Variants in UNC13C observed in about 807,000 individuals in gnomAD.
The protein encoded by UNC13C is unc-13 homolog C.
In UNC13C, 174 loss-of-function variants were observed where a neutral mutation model predicts 245.4. That is an observed-to-expected ratio of 0.71 (90% CI 0.63 to 0.80). UNC13C has a LOEUF of 0.80. Ranked by LOEUF, UNC13C falls within the 30% of genes least tolerant of loss-of-function variation. The probability of loss-of-function intolerance (pLI) is 0.00; values close to 1 mark genes in which losing one functional copy is unlikely to be tolerated. For synonymous variants in UNC13C, 992 were observed against 895.1 expected, an observed-to-expected ratio of 1.11 and a Z score of -1.93; for missense variants, 2,829 against 2,602.9, an observed-to-expected ratio of 1.09 and a Z score of -1.89.
At chr15:54,318,040 C>T (rs1297778799) in intron 13 of UNC13C, among the ~76,000 whole-genome samples, 1 of 151,876 alleles carries the variant, frequency 6.6e-6, no homozygotes, top group African/African-American at 2.4e-5. Context: ...CAGGTTCATC[C>T]ATGTTGTTGC....
At chr15:54,213,831 A>G (rs1412241011) in intron 4 of UNC13C, among the ~76,000 whole-genome samples, 9 of 151,978 alleles carry the variant, frequency 5.9e-5, no homozygotes, top group Admixed American at 1.3e-4. Flanking sequence ...TGCCAACCTA[A>G]CAGGTAGTAT....
intron 19 of UNC13C, among the ~76,000 whole-genome samples, chr15:54,420,407 C>CA (rs1172809843): frequency 6.6e-6 from 1 of 151,810 alleles, no homozygotes; most frequent in Non-Finnish European, 1.5e-5. Context: ...AGAGAAAAGG[C>CA]AGAAGCTGCC....
Position 54,628,193 on chromosome 15 carries a change from A to C in UNC13C, c.*1080A>C, listed in dbSNP as rs1392758775. 6.6e-6 allele frequency: 1 copy of C among 152,028 alleles called. No individual in the cohort carries two copies. The highest frequency in any genetic ancestry group is 6.6e-5 in the Admixed American group (1 of 15,244). The allele number at this position is 152,028 out of a possible 1,614,324, so 9.4% of individuals were successfully genotyped here. The stretch of plus-strand genomic sequence containing the variant: ...ATGTAATACAGCTTGGTACCTAAAA[A>C]TATAGCTAAGTTGGTTTTTGAATAT... On this transcript the variant is annotated 3_prime_UTR_variant, in exon 33 of 33. Coordinates refer to ENST00000260323, the MANE Select transcript of UNC13C (RefSeq NM_001080534.3).
intron 19 of UNC13C, among the ~76,000 whole-genome samples, chr15:54,452,369 C>G (rs1268510294): frequency 6.6e-6 from 1 of 152,134 alleles, no homozygotes; most frequent in Non-Finnish European, 1.5e-5. Context: ...GCTCTGGTTC[C>G]CAAGCCATCT....
At chr15:54,330,929 T>C (rs957070115) in intron 14 of UNC13C, among the ~76,000 whole-genome samples, 1 of 152,084 alleles carries the variant, frequency 6.6e-6, no homozygotes, top group African/African-American at 2.4e-5. Context: ...AACACAGAGA[T>C]GATACTCAAA....
chr15:54,187,039 G>T (rs1290882747), intron 4 of UNC13C, among the ~76,000 whole-genome samples: 1 of 151,610 alleles, frequency 6.6e-6, no homozygotes, highest in African/African-American at 2.4e-5. Context: ...GTAGAGACAG[G>T]GTTTCACCAT....
chr15:54,164,815 A>G (rs1322929475), intron 4 of UNC13C, among the ~76,000 whole-genome samples: 1 of 152,228 alleles, frequency 6.6e-6, no homozygotes, highest in African/African-American at 2.4e-5. Context: ...TTAAAAAATC[A>G]CAGACAGCTC....
At chr15:53,879,215 G>A in the UNC13C span, among the ~76,000 whole-genome samples, 2 of 152,158 alleles carry the variant, frequency 1.3e-5, no homozygotes, top group African/African-American at 4.8e-5. Flanking sequence ...AGGCTGCAGT[G>A]CAATAGCACA....
At chr15:54,618,868 G>T (rs1024152770) in intron 30 of UNC13C, among the ~76,000 whole-genome samples, 2 of 152,048 alleles carry the variant, frequency 1.3e-5, no homozygotes, top group Admixed American at 6.6e-5. Context: ...ATAACTTACG[G>T]AAAAAGTTAA....
intron 27 of UNC13C, among the ~76,000 whole-genome samples, chr15:54,548,773 T>C (rs1375044136): frequency 6.6e-6 from 1 of 152,168 alleles, no homozygotes; most frequent in Non-Finnish European, 1.5e-5. Context: ...CACCTAAAAT[T>C]TCTCTAGCAT....
At chr15:54,530,266 A>G (rs569668049) in intron 25 of UNC13C, among the ~76,000 whole-genome samples, 6 of 152,312 alleles carry the variant, frequency 3.9e-5, no homozygotes, top group Admixed American at 1.3e-4. Flanking sequence ...TGACGTATCT[A>G]TCACCTTCAT....
chr15:53,838,819 C>T, the UNC13C span, among the ~76,000 whole-genome samples: 7 of 151,946 alleles, frequency 4.6e-5, no homozygotes, highest in African/African-American at 1.7e-4. Flanking sequence ...GCATAAATTA[C>T]CAGTAAGTCC....
intron 4 of UNC13C, among the ~76,000 whole-genome samples, chr15:54,216,628 C>G (rs1021167392): frequency 1.3e-5 from 2 of 151,758 alleles, no homozygotes; most frequent in Non-Finnish European, 1.5e-5. Flanking sequence ...AAATATGACA[C>G]AGAGAGAAAT....
At chr15:54,514,985 A>C (rs1036448689) in intron 24 of UNC13C, among the ~76,000 whole-genome samples, 3 of 152,102 alleles carry the variant, frequency 2.0e-5, no homozygotes, top group Non-Finnish European at 2.9e-5. Context: ...GCAAACCACT[A>C]ATTTTCTTCT....
At chr15:54,425,810 A>T (rs890632975) in intron 19 of UNC13C, among the ~76,000 whole-genome samples, 1 of 151,874 alleles carries the variant, frequency 6.6e-6, no homozygotes, top group Non-Finnish European at 1.5e-5. Flanking sequence ...GCAAATGCAA[A>T]TATATCATCT....
chr15:54,108,353 A>T (rs2141169490), intron 2 of UNC13C, among the ~76,000 whole-genome samples: 1 of 151,914 alleles, frequency 6.6e-6, no homozygotes, highest in Non-Finnish European at 1.5e-5. Context: ...CGCCTGGCTA[A>T]TTTTTTTGTA....
At chr15:54,289,604 G>A (rs2037239731) in intron 10 of UNC13C, among the ~76,000 whole-genome samples, 1 of 152,084 alleles carries the variant, frequency 6.6e-6, no homozygotes, top group Non-Finnish European at 1.5e-5. Context: ...TTTAGGCTGA[G>A]AGATTATTTG....
At chr15:54,620,830 T>C (rs1018853889) in intron 30 of UNC13C, among the ~76,000 whole-genome samples, 2 of 150,922 alleles carry the variant, frequency 1.3e-5, no homozygotes, top group African/African-American at 4.9e-5. Context: ...GCTATAATCA[T>C]GCCTTCAGTA....
At chr15:53,901,297 A>G in the UNC13C span, among the ~76,000 whole-genome samples, 1 of 146,998 alleles carries the variant, frequency 6.8e-6, no homozygotes, top group South Asian at 2.1e-4. Flanking sequence ...TCAGCTCACT[A>G]CAAGCTCCAC....
Sources: gnomAD v4.1 joint callset for allele counts (sites outside exome capture counted in the v4.1 genomes callset) on GRCh38, gnomAD v4.1.1 for gene constraint, MANE v1.5 for transcripts, NCBI Gene and HGNC (gene_info 2026-07-23, HGNC 2026-07-21) for gene names.